Variants in JAKMIP3 observed in about 807,000 individuals in gnomAD.
JAKMIP3 encodes Janus kinase and microtubule interacting protein 3.
A neutral mutation model predicts 118.5 loss-of-function variants in JAKMIP3; 58 were observed. That is an observed-to-expected ratio of 0.49 (90% confidence interval 0.40 to 0.61). The LOEUF (loss-of-function observed/expected upper bound fraction) is 0.61. Ranked by LOEUF, JAKMIP3 falls within the 20% of genes least tolerant of loss-of-function variation. The pLI, the probability that JAKMIP3 is intolerant of heterozygous loss-of-function variation, is 0.00. For synonymous variants in JAKMIP3, 486 were observed against 451.2 expected (o/e 1.08, Z -0.98); for missense variants, 950 against 1,109.0 (o/e 0.86, Z 2.04).
chr10:132,129,603 A>G (rs980935960), intron 3 of JAKMIP3, among the ~76,000 whole-genome samples: 25 of 152,180 alleles, frequency 1.6e-4, no homozygotes, highest in Non-Finnish European at 2.6e-4. Context: ...GGTTGCAAGA[A>G]CGCCCTCAGG....
At chr10:132,137,402 C>A in intron 8 of JAKMIP3, 113 bp downstream of exon 8, 1 of 1,342,742 alleles carries the variant, frequency 7.4e-7, no homozygotes, top group Non-Finnish European at 1.0e-6. Flanking sequence ...GCCGCGGCAG[C>A]CTTTCGGGTG....
chr10:132,094,076 T>G (rs1044175299), intron 1 of JAKMIP3, among the ~76,000 whole-genome samples: 3 of 152,032 alleles, frequency 2.0e-5, no homozygotes, highest in Admixed American at 6.6e-5. Context: ...TTGCTGGGAC[T>G]ACAGGCTCAC....
chr10:132,091,868 G>A (rs1275355282), intron 1 of JAKMIP3, among the ~76,000 whole-genome samples: 7 of 152,124 alleles, frequency 4.6e-5, no homozygotes, highest in Admixed American at 3.9e-4. Context: ...TCCTAGCATC[G>A]ATGGTCTTTA....
At position 132,180,608 on chromosome 10, in the gene JAKMIP3, T is replaced by TGC. The variant is rs1311815561; in HGVS notation, c.*1104-1748_*1104-1747insCG. 3.8e-3 allele frequency among the ~76,000 whole-genome samples: 109 copies of TGC among 28,410 alleles called. 10 individuals carry two copies. Among genetic ancestry groups the TGC allele is most frequent in the East Asian group, 0.025 (5 of 200 alleles). 18.6% of individuals were successfully genotyped at this position (28,410 alleles called of 152,430 possible). On this transcript the variant is annotated intron_variant, in intron 23 of 23. Coordinates refer to ENST00000684848, the MANE Select transcript of JAKMIP3 (RefSeq NM_001323087.2). ...GCGCGTGTGTGTGTGCGTGCGCGTG[T>TGC]GTGTGTGCGTGTGTGTGCGTGTGTG...
chr10:132,141,987 G>A lies in JAKMIP3; in HGVS notation c.1541G>A (p.Arg514His), dbSNP rs1263372644. 2.5e-6 allele frequency: 4 copies of A among 1,604,838 alleles called. No homozygotes were observed. Among genetic ancestry groups the A allele is most frequent in the Admixed American group, 1.7e-5 (1 of 58,946 alleles). Residue 514 changes from arginine (R) to histidine (H), a missense_variant, in exon 11 of 24, where the codon CGT becomes CAT. Arg to His is a conservative substitution (Grantham distance 29). Coordinates refer to ENST00000684848, the MANE Select transcript of JAKMIP3 (RefSeq NM_001323087.2). Reference sequence around the variant, plus strand: ...ACCATGGAGTACCAGGCCCTGCAGCGTGCCTACGCTTTGTTGCAGGAGCAG... The same window carrying A: ...ACCATGGAGTACCAGGCCCTGCAGCATGCCTACGCTTTGTTGCAGGAGCAG... ...QLTMEYQALQRAYALLQEQVG... is the reference protein window; with the variant it reads ...QLTMEYQALQHAYALLQEQVG...
chr10:132,058,965 G>A (rs892405886), intron 1 of JAKMIP3, among the ~76,000 whole-genome samples: 1 of 152,212 alleles, frequency 6.6e-6, no homozygotes, highest in Non-Finnish European at 1.5e-5. Flanking sequence ...GAGCCTGGCT[G>A]CCTGGCTTCA....
At chr10:132,093,163 G>T (rs909689094) in intron 1 of JAKMIP3, among the ~76,000 whole-genome samples, 2 of 152,210 alleles carry the variant, frequency 1.3e-5, no homozygotes, top group African/African-American at 4.8e-5. Flanking sequence ...GCCGTGTGAG[G>T]TGTCAGTCTG....
intron 3 of JAKMIP3, among the ~76,000 whole-genome samples, chr10:132,126,996 G>A (rs4485027): frequency 0.14 from 20,588 of 152,058 alleles, 2,212 homozygotes; most frequent in East Asian, 0.29. Context: ...CTCTCAATGA[G>A]TTTGTTCAAC....
intron 1 of JAKMIP3, among the ~76,000 whole-genome samples, chr10:132,104,195 C>T (rs10870249): frequency 0.17 from 26,331 of 151,364 alleles, 2,549 homozygotes; most frequent in East Asian, 0.2. Context: ...GCGTGCGCTT[C>T]TGTTCCAGTC....
chr10:132,149,499 G>T lies in JAKMIP3; in HGVS notation c.1936G>T (p.Glu646Ter). The change falls in exon 15 of 24, where the codon GAA (glutamate) becomes TAA (stop). Residue 646 changes from glutamate (E) to a stop codon, truncating the protein, a stop_gained. Coordinates refer to ENST00000684848, the MANE Select transcript of JAKMIP3 (RefSeq NM_001323087.2). LOFTEE classifies it high-confidence loss of function. The stretch of plus-strand genomic sequence containing the variant: ...CCCCCTCCAGGTGTACTGCGAGGCC[G>T]AAGGTGTGACGGTGAGTCCCGCCCC... Reference protein sequence around the residue: ...KSPLQVYCEAEGVTDIVVAEL... With the variant: ...KSPLQVYCEA The T allele has an allele frequency of 6.4e-7, 1 of 1,571,656 alleles. No individual in the cohort carries two copies. The highest frequency in any genetic ancestry group is 8.6e-7 in the Non-Finnish European group (1 of 1,162,448).
chr10:132,136,214 C>A, intron 6 of JAKMIP3, 138 bp downstream of exon 6: 1 of 902,180 alleles, frequency 1.1e-6, no homozygotes. Flanking sequence ...TCTGGCCTCA[C>A]GCATGTTTGA....
chr10:132,133,190 A>G (rs2050978755), intron 3 of JAKMIP3, 122 bp from the exon 4 acceptor site: 7 of 832,108 alleles, frequency 8.4e-6, no homozygotes, highest in Non-Finnish European at 1.2e-5. Flanking sequence ...CTCTTAGTCC[A>G]GGATGCTTCG....
At chr10:132,057,447 G>C (rs1157278877) in intron 1 of JAKMIP3, among the ~76,000 whole-genome samples, 1 of 152,204 alleles carries the variant, frequency 6.6e-6, no homozygotes, top group African/African-American at 2.4e-5. Flanking sequence ...CCTTGCCACT[G>C]TATCGCCCTC....
chr10:132,139,433 T>TGTGA (rs2052916747), intron 9 of JAKMIP3, among the ~76,000 whole-genome samples: 2 of 143,410 alleles, frequency 1.4e-5, no homozygotes, highest in Non-Finnish European at 3.2e-5. Context: ...TGTGTGTTTG[T>TGTGA]GTGTACATGT....
At chr10:132,092,069 T>G (rs1375484107) in intron 1 of JAKMIP3, among the ~76,000 whole-genome samples, 6 of 131,200 alleles carry the variant, frequency 4.6e-5, no homozygotes, top group African/African-American at 9.5e-5. Context: ...GGGTTGAAAA[T>G]TATTTAAGAA....
chr10:132,154,883 ATGATGGTGATGATC>A (rs2056834623), intron 19 of JAKMIP3, among the ~76,000 whole-genome samples: 4 of 96,836 alleles, frequency 4.1e-5, no homozygotes, highest in Admixed American at 2.1e-4. Context: ...GGTGGTGATG[ATGATGGTGATGATC>A]GTGATCATGA....
At chr10:132,078,187 A>G (rs1008182170) in intron 1 of JAKMIP3, among the ~76,000 whole-genome samples, 2 of 64,408 alleles carry the variant, frequency 3.1e-5, no homozygotes, top group Non-Finnish European at 4.9e-5. Flanking sequence ...TTATCTAGTG[A>G]GAACTTATTG....
intron 23 of JAKMIP3, among the ~76,000 whole-genome samples, chr10:132,180,636 T>TGTGC (rs1554963030): frequency 1.2e-4 from 2 of 16,034 alleles, no homozygotes; most frequent in African/African-American, 6.7e-4. Context: ...CGTGTGTGCG[T>TGTGC]GCGTGTGTGC....
chr10:132,050,641 G>A (rs972854929), intron 1 of JAKMIP3, among the ~76,000 whole-genome samples: 1 of 152,012 alleles, frequency 6.6e-6, no homozygotes, highest in South Asian at 2.1e-4. Flanking sequence ...GATTTGGGGG[G>A]GGTTGATTAT....
Sources: allele counts gnomAD v4.1 joint callset (sites outside exome capture counted in the v4.1 genomes callset), GRCh38; gene constraint gnomAD v4.1.1; transcripts MANE v1.5; gene names NCBI Gene and HGNC (gene_info 2026-07-23, HGNC 2026-07-21).